Variants in ANKMY2 observed in about 807,000 individuals in gnomAD.
The protein encoded by ANKMY2 is ankyrin repeat and MYND domain containing 2, also known as ankyrin repeat and MYND domain-containing protein 2.
In ANKMY2, 36 loss-of-function variants were observed where a neutral mutation model predicts 50.4. The ratio of observed to expected loss-of-function variants is 0.71; its 90% CI spans 0.55 to 0.94. ANKMY2 has a LOEUF of 0.94. ANKMY2 is among the 40% of genes least tolerant of loss of function. ANKMY2 has a pLI of 0.00. For missense variants in ANKMY2, 565 were observed against 524.0 expected, an observed-to-expected ratio of 1.08 and a Z score of -0.76; for synonymous variants, 187 against 178.8, an observed-to-expected ratio of 1.05 and a Z score of -0.36.
chr7:16,639,645 G>A (rs950987057), intron 1 of ANKMY2, among the ~76,000 whole-genome samples: 6 of 152,122 alleles, frequency 3.9e-5, no homozygotes, highest in Admixed American at 6.5e-5. Flanking sequence ...AGCAAGGTGT[G>A]GTGGCATGGA....
In ANKMY2 at chr7:16,602,490, G is replaced by A. The variant is rs746124929; in HGVS notation, c.1031C>T (p.Thr344Ile). The A allele has an allele frequency of 6.2e-7, 1 of 1,612,892 alleles. No homozygotes were observed. The highest frequency in any genetic ancestry group is 2.2e-5 in the East Asian group (1 of 44,822). Residue 344 changes from threonine (T) to isoleucine (I), a missense_variant, in exon 9 of 10, where the codon ACC becomes ATC. Transcript: ENST00000306999. ...VCKMVIYCDQ[T>I]CQKTHWFTHK... The stretch of plus-strand genomic sequence containing the variant: ...AGTAAACCAGTGTGTTTTCTGGCAG[G>A]TTTGATCACAATATATTACCTGAAA...
chr7:16,615,424 A>C (rs1781328544), intron 5 of ANKMY2, among the ~76,000 whole-genome samples: 1 of 152,098 alleles, frequency 6.6e-6, no homozygotes, highest in Non-Finnish European at 1.5e-5. Context: ...CAGACTGATG[A>C]ATACAAAAGA....
At chr7:16,633,172 T>A (rs563670054) in intron 2 of ANKMY2, among the ~76,000 whole-genome samples, 6 of 152,184 alleles carry the variant, frequency 3.9e-5, no homozygotes, top group African/African-American at 1.4e-4. Context: ...ATATAATTTA[T>A]AAAATTTTTC....
chr7:16,606,892 A>C (rs1452818748), intron 7 of ANKMY2, among the ~76,000 whole-genome samples: 1 of 152,214 alleles, frequency 6.6e-6, no homozygotes, highest in Non-Finnish European at 1.5e-5. Flanking sequence ...CTGAGCCTTG[A>C]GACAGGCAGA....
intron 2 of ANKMY2, 73 bp from the exon 3 acceptor site, chr7:16,627,251 A>G (rs1369805743): frequency 5.1e-6 from 5 of 974,132 alleles, no homozygotes; most frequent in South Asian, 2.1e-5. Flanking sequence ...AATTTCTGCA[A>G]TTAGAAACAT....
intron 1 of ANKMY2, among the ~76,000 whole-genome samples, chr7:16,644,405 C>T (rs1318942274): frequency 6.6e-6 from 1 of 152,110 alleles, no homozygotes; most frequent in South Asian, 2.1e-4. Flanking sequence ...GAGTTCAAAC[C>T]GGAATTTTTT....
chr7:16,615,237 G>A (rs1450774448), intron 5 of ANKMY2, among the ~76,000 whole-genome samples: 1 of 152,316 alleles, frequency 6.6e-6, no homozygotes, highest in African/African-American at 2.4e-5. Context: ...AATAGATGCT[G>A]TTAGTGCCCC....
intron 2 of ANKMY2, among the ~76,000 whole-genome samples, chr7:16,632,687 A>G (rs1187674362): frequency 6.6e-6 from 1 of 152,232 alleles, no homozygotes; most frequent in Admixed American, 6.5e-5. Context: ...ACCTTTGACT[A>G]TTATGAATAA....
intron 2 of ANKMY2, among the ~76,000 whole-genome samples, chr7:16,633,062 C>T (rs1384404458): frequency 6.6e-6 from 1 of 152,116 alleles, no homozygotes; most frequent in Non-Finnish European, 1.5e-5. Context: ...GGAGCAATAT[C>T]TATCCAGATC....
At chr7:16,610,121 G>A (rs1781223618) in intron 6 of ANKMY2, among the ~76,000 whole-genome samples, 1 of 152,172 alleles carries the variant, frequency 6.6e-6, no homozygotes, top group Non-Finnish European at 1.5e-5. Flanking sequence ...AAGGATGCAA[G>A]AGAATTTGAT....
At chr7:16,606,746 G>C (rs1324219635) in intron 7 of ANKMY2, among the ~76,000 whole-genome samples, 1 of 152,178 alleles carries the variant, frequency 6.6e-6, no homozygotes, top group East Asian at 1.9e-4. Context: ...ACTCAAGATA[G>C]TCAAAGAAAA....
intron 1 of ANKMY2, among the ~76,000 whole-genome samples, chr7:16,640,941 G>A (rs1004255355): frequency 1.4e-4 from 21 of 152,084 alleles, no homozygotes; most frequent in African/African-American, 4.1e-4. Context: ...TAGTGTTTAC[G>A]TATAAGTAAA....
intron 2 of ANKMY2, among the ~76,000 whole-genome samples, chr7:16,633,498 C>G (rs1352234653): frequency 6.6e-6 from 1 of 152,026 alleles, no homozygotes; most frequent in Admixed American, 6.5e-5. Context: ...CAGTTGTAAA[C>G]AGTCAGCAAT....
At chr7:16,614,633 C>T (rs1042095071) in intron 5 of ANKMY2, among the ~76,000 whole-genome samples, 1 of 152,170 alleles carries the variant, frequency 6.6e-6, no homozygotes, top group Non-Finnish European at 1.5e-5. Context: ...GAGTGAGTGT[C>T]AGTCTTCAGA....
At chr7:16,630,261 C>T (rs978117361) in intron 2 of ANKMY2, among the ~76,000 whole-genome samples, 1 of 152,142 alleles carries the variant, frequency 6.6e-6, no homozygotes, top group Non-Finnish European at 1.5e-5. Flanking sequence ...AGAATTTTCA[C>T]TTTACTAAAG....
chr7:16,635,343 G>A (rs930341170), intron 2 of ANKMY2, among the ~76,000 whole-genome samples: 7 of 152,126 alleles, frequency 4.6e-5, no homozygotes, highest in African/African-American at 1.7e-4. Context: ...CTTTTTGCAG[G>A]AGTGGGTGGG....
intron 1 of ANKMY2, among the ~76,000 whole-genome samples, chr7:16,643,366 A>G (rs142789041): frequency 0.01 from 1,597 of 152,352 alleles, 13 homozygotes; most frequent in Admixed American, 0.019. Context: ...ATAACAGTCA[A>G]TAAACGTTGG....
At chr7:16,622,241 A>G (rs1781446185) in intron 4 of ANKMY2, among the ~76,000 whole-genome samples, 1 of 152,344 alleles carries the variant, frequency 6.6e-6, no homozygotes, top group South Asian at 2.1e-4. Flanking sequence ...AATAAAGAGT[A>G]TAAGTGGGTA....
chr7:16,621,883 C>A (rs1017058010), intron 4 of ANKMY2, among the ~76,000 whole-genome samples: 11 of 151,866 alleles, frequency 7.2e-5, no homozygotes, highest in Admixed American at 7.2e-4. Context: ...GCAGGAGAAT[C>A]GTTTGAACCC....
Sources: allele counts gnomAD v4.1 joint callset (sites outside exome capture counted in the v4.1 genomes callset), GRCh38; gene constraint gnomAD v4.1.1; transcripts MANE v1.5; gene names NCBI Gene and HGNC (gene_info 2026-07-23, HGNC 2026-07-21).